Variants in ESCO2 observed in about 807,000 individuals in gnomAD.
ESCO2 encodes the protein establishment of sister chromatid cohesion N-acetyltransferase 2, also known as N-acetyltransferase ESCO2.
A neutral mutation model predicts 61.7 loss-of-function variants in ESCO2; 51 were observed. The ratio of observed to expected loss-of-function variants is 0.83; its 90% CI spans 0.66 to 1.04. ESCO2 has a LOEUF of 1.04. Ranked by LOEUF, ESCO2 falls within the 50% of genes least tolerant of loss-of-function variation. ESCO2 has a pLI of 0.00. For synonymous variants in ESCO2, 230 were observed against 238.2 expected (o/e 0.97, Z 0.32); for missense variants, 692 against 686.2 (o/e 1.01, Z -0.09).
chr8:27,793,366 G>C (rs1401877598), intron 9 of ESCO2, among the ~76,000 whole-genome samples: 3 of 151,708 alleles, frequency 2.0e-5, no homozygotes, highest in Non-Finnish European at 2.9e-5. Flanking sequence ...TTTTGATATA[G>C]GTATACATTG....
chr8:27,810,497 T>TTTATC, downstream of ESCO2: 1 of 1,595,250 alleles, frequency 6.3e-7, no homozygotes, highest in Non-Finnish European at 8.6e-7. Flanking sequence ...CATCAAAAGT[T>TTTATC]TTATCTTGAA....
chr8:27,774,572 T>G lies in ESCO2; in HGVS notation c.-52T>G, dbSNP rs1472936844. ...TGAAGACGCTCACGGAGCGGCTGGC[T>G]AGGCTGAGGAGAGCTCGCCGGGCTC... On this transcript the variant is annotated 5_prime_UTR_variant, in exon 1 of 11. Coordinates refer to ENST00000305188, the MANE Select transcript of ESCO2 (RefSeq NM_001017420.3). 6.6e-6 allele frequency: 1 copy of G among 152,178 alleles called. No homozygotes were observed. The highest frequency in any genetic ancestry group is 1.5e-5 in the Non-Finnish European group (1 of 68,096). 9.4% of individuals were successfully genotyped at this position (152,178 alleles called of 1,614,324 possible). A position where few individuals can be genotyped will look rare whatever the true frequency, so the allele number is the denominator to read the frequency against.
Position 27,792,803 on chromosome 8 carries a change from A to T in ESCO2, c.1489A>T (p.Ile497Phe). Residue 497 changes from isoleucine to phenylalanine, a missense_variant, in exon 9 of 11, where the codon ATC becomes TTC. Coordinates refer to ENST00000305188, the MANE Select transcript of ESCO2 (RefSeq NM_001017420.3). Reference sequence around the variant, plus strand: ...AGTTGGGTGTTTAATTGCAGAACCCATCAAACAGGTATGGTATATTTGTTT... The same window carrying T: ...AGTTGGGTGTTTAATTGCAGAACCCTTCAAACAGGTATGGTATATTTGTTT... Reference protein sequence around the residue: ...RVVGCLIAEPIKQAFRVLSEP... With the variant: ...RVVGCLIAEPFKQAFRVLSEP... The T allele has an allele frequency of 1.2e-6, 2 of 1,602,244 alleles. No homozygotes were observed. Among genetic ancestry groups the T allele is most frequent in the South Asian group, 1.1e-5 (1 of 88,092 alleles).
intron 4 of ESCO2, among the ~76,000 whole-genome samples, chr8:27,782,878 C>T (rs1192084245): frequency 6.6e-6 from 1 of 152,086 alleles, no homozygotes; most frequent in Non-Finnish European, 1.5e-5. Flanking sequence ...CCCCCTACCT[C>T]CTTCAGTGTC....
At chr8:27,772,866 T>G (rs188526651), upstream of ESCO2, among the ~76,000 whole-genome samples, 1 of 152,258 alleles carries the variant, frequency 6.6e-6, no homozygotes, top group East Asian at 1.9e-4. Flanking sequence ...CACAGGATAT[T>G]TTTTAGGGTT....
chr8:27,799,237 G>A (rs1805369842), intron 9 of ESCO2, among the ~76,000 whole-genome samples: 2 of 152,066 alleles, frequency 1.3e-5, no homozygotes, highest in African/African-American at 4.8e-5. Context: ...ATACATTTTA[G>A]GATGGAGAGA....
chr8:27,810,653 C>T (rs968320771), downstream of ESCO2: 19 of 609,446 alleles, frequency 3.1e-5, no homozygotes, highest in South Asian at 2.3e-4. Flanking sequence ...AATTGTCCTG[C>T]CATCAAGTAG....
downstream of ESCO2, among the ~76,000 whole-genome samples, chr8:27,815,345 AG>A (rs1201779825): frequency 3.3e-5 from 5 of 152,178 alleles, no homozygotes; most frequent in Non-Finnish European, 7.4e-5. Flanking sequence ...CCAGACTAGG[AG>A]GGTACCCAGT....
chr8:27,802,633 ATATAT>A (rs1805466781), intron 10 of ESCO2, among the ~76,000 whole-genome samples: 33 of 53,888 alleles, frequency 6.1e-4, no homozygotes, highest in Non-Finnish European at 8.2e-4. Context: ...AAAAAAAAAT[ATATAT>A]ATATATATAT....
Position 27,802,649 on chromosome 8 carries a change from ATATATAT to A in ESCO2, c.1674-649_1674-643del, listed in dbSNP as rs1384161455. On this transcript the variant is annotated intron_variant, in intron 10 of 10. Transcript: ENST00000305188. ...AAAAAAAATATATATATATATATATATATATATTATATATATATATATATAGTTACTG... is the reference window on the plus strand; with the variant it reads ...AAAAAAAATATATATATATATATATATATATATATATATATATAGTTACTG... Among the ~76,000 whole-genome samples, 155 of 73,084 alleles carry A rather than the reference ATATATAT, an allele frequency of 2.1e-3. 2 individuals are homozygous for A. The highest frequency in any genetic ancestry group is 5.6e-3 in the African/African-American group (96 of 17,132). 47.9% of individuals were successfully genotyped at this position (73,084 alleles called of 152,430 possible).
At chr8:27,786,258 C>T (rs759708302) in intron 5 of ESCO2, among the ~76,000 whole-genome samples, 1 of 152,130 alleles carries the variant, frequency 6.6e-6, no homozygotes, top group Non-Finnish European at 1.5e-5. Flanking sequence ...AAGAAGGGGT[C>T]GGGAGCTCCT....
chr8:27,791,975 G>T lies in ESCO2; in HGVS notation c.1276G>T (p.Glu426Ter). The T allele has an allele frequency of 6.2e-7, 1 of 1,613,978 alleles. No individual in the cohort carries two copies. Among genetic ancestry groups the T allele is most frequent in the Non-Finnish European group, 8.5e-7 (1 of 1,179,978 alleles). ...TTTCCTTTGGCAGGGTTGGAAGAAA[G>T]AACGTGTAGTAGCAGAGTTTTGGGA... ...EGIKYVGWKKERVVAEFWDGK... is the reference protein window; with the variant it reads ...EGIKYVGWKK Residue 426 changes from glutamate to a stop codon, truncating the protein, a stop_gained, in exon 8 of 11, where the codon GAA (glutamate) becomes TAA (stop). Coordinates refer to ENST00000305188, the MANE Select transcript of ESCO2 (RefSeq NM_001017420.3). LOFTEE classifies it high-confidence loss of function.
At position 27,804,063 on chromosome 8, in the gene ESCO2, A is replaced by G; in HGVS notation, c.*625A>G. ...CTTCTCTATACAGAGTCTTCACTTG[A>G]TAGGCACTCGTCTGTAGTAACTCAG... On this transcript the variant is annotated 3_prime_UTR_variant, in exon 11 of 11. Coordinates refer to ENST00000305188, the MANE Select transcript of ESCO2 (RefSeq NM_001017420.3). 1 of 985,504 alleles carries G rather than the reference A, an allele frequency of 1.0e-6. No homozygotes were observed. The highest frequency in any genetic ancestry group is 1.2e-6 in the Non-Finnish European group (1 of 830,040). 61.0% of individuals were successfully genotyped at this position (985,504 alleles called of 1,614,324 possible).
chr8:27,794,290 T>C (rs982787441), intron 9 of ESCO2, among the ~76,000 whole-genome samples: 1 of 152,232 alleles, frequency 6.6e-6, no homozygotes, highest in Non-Finnish European at 1.5e-5. Context: ...TGCATTTTTA[T>C]AGTAATCATT....
At chr8:27,788,409 A>G (rs6558015) in intron 6 of ESCO2, among the ~76,000 whole-genome samples, 61,235 of 151,964 alleles carry the variant, frequency 0.4, 12,806 homozygotes, top group East Asian at 0.61. Flanking sequence ...ATTCTTTCTT[A>G]GAACCATGAG....
intron 9 of ESCO2, among the ~76,000 whole-genome samples, chr8:27,793,475 C>CTTTT: frequency 7.4e-6 from 1 of 135,086 alleles, no homozygotes. Flanking sequence ...TTTTCTTTTT[C>CTTTT]TTTGTTTTTT....
rs758624389 is a variant in ESCO2, at chr8:27,776,548, G to A, written c.240G>A (p.Ala80=). The A allele has an allele frequency of 5.6e-6, 9 of 1,613,930 alleles. No homozygotes were observed. Among genetic ancestry groups the A allele is most frequent in the African/African-American group, 5.3e-5 (4 of 74,906 alleles). The change falls in exon 3 of 11, where the codon GCG becomes GCA. Residue 80 remains alanine, a synonymous_variant. Coordinates refer to ENST00000305188, the MANE Select transcript of ESCO2 (RefSeq NM_001017420.3). ...SANQGSPFKS[A]LSTVSFYNQN... ...ATCAAGGCTCACCATTTAAATCTGC[G>A]CTCTCCACTGTATCTTTTTACAACC...
chr8:27,787,862 ATATATCAACT>A lies in ESCO2; in HGVS notation c.1014-21_1014-12del. ...AATTCCTCCAAAATTGTAAATTTAT[ATATATCAACT>A]TTCTGTGTCAAGATCTTTAGGTGAA... is the stretch of plus-strand genomic sequence containing the variant. On this transcript the variant is annotated splice_polypyrimidine_tract_variant and intron_variant, in intron 5 of 10. Transcript: ENST00000305188. 5.1e-6 allele frequency: 8 copies of A among 1,555,696 alleles called. No individual in the cohort carries two copies. The highest frequency in any genetic ancestry group is 6.2e-6 in the Non-Finnish European group (7 of 1,127,992).
intron 9 of ESCO2, among the ~76,000 whole-genome samples, chr8:27,797,698 C>A (rs1047996472): frequency 5.3e-5 from 8 of 152,072 alleles, no homozygotes; most frequent in African/African-American, 1.7e-4. Context: ...ATTTCTTTAT[C>A]TTTTATGTAT....
Sources: allele counts gnomAD v4.1 joint callset (sites outside exome capture counted in the v4.1 genomes callset), GRCh38; gene constraint gnomAD v4.1.1; transcripts MANE v1.5; gene names NCBI Gene and HGNC (gene_info 2026-07-23, HGNC 2026-07-21).